Variants in PILRB observed in about 807,000 individuals in gnomAD.
PILRB encodes the protein paired immunoglobulin-like type 2 receptor beta.
In PILRB, 21 loss-of-function variants were observed where a neutral mutation model predicts 20.5. The ratio of observed to expected loss-of-function variants is 1.02; its 90% CI spans 0.72 to 1.47. The LOEUF (loss-of-function observed/expected upper bound fraction) is 1.47, where lower values mean the gene tolerates loss of function less well. Among genes scored for constraint, PILRB ranks in the 40% most tolerant of loss-of-function variants. PILRB has a pLI of 0.00. For synonymous variants in PILRB, 133 were observed against 115.1 expected, an observed-to-expected ratio of 1.16 and a Z score of -0.99; for missense variants, 253 against 272.1, an observed-to-expected ratio of 0.93 and a Z score of 0.49.
chr7:100,358,424 C>A, intron 1 of PILRB, 58 bp downstream of exon 1: 1 of 1,585,008 alleles, frequency 6.3e-7, no homozygotes, highest in South Asian at 1.1e-5. Context: ...AGGGGCCAAC[C>A]CAAGACAAAG....
At chr7:100,359,989 C>T (rs1263806427) in intron 3 of PILRB, among the ~76,000 whole-genome samples, 4 of 152,194 alleles carry the variant, frequency 2.6e-5, no homozygotes, top group African/African-American at 9.7e-5. Flanking sequence ...TGCCACTGCA[C>T]TCCAGCCTGG....
chr7:100,359,171 A>C, intron 2 of PILRB, 92 bp downstream of exon 2: 1 of 1,563,310 alleles, frequency 6.4e-7, no homozygotes, highest in East Asian at 2.3e-5. Context: ...AGTGGTCTGG[A>C]TTGAGAGCTG....
rs1249112782 is a variant in PILRB, at chr7:100,367,594, A to C, written c.*217A>C. ...CAAGAGCCTTCATCCAGGAGCATCCACACTGCAATGATATAGGAATGAGGT... is the reference window on the plus strand; with the variant it reads ...CAAGAGCCTTCATCCAGGAGCATCCCCACTGCAATGATATAGGAATGAGGT... On this transcript the variant is annotated 3_prime_UTR_variant, in exon 4 of 4. Coordinates refer to ENST00000609309, the MANE Select transcript of PILRB (RefSeq NM_178238.4). 1.7e-6 allele frequency: 1 copy of C among 589,696 alleles called. No individual in the cohort carries two copies. Among genetic ancestry groups the C allele is most frequent in the Non-Finnish European group, 3.1e-6 (1 of 326,866 alleles). 36.5% of individuals were successfully genotyped at this position (589,696 alleles called of 1,614,324 possible). A position where few individuals can be genotyped will look rare whatever the true frequency, so the allele number is the denominator to read the frequency against.
At chr7:100,359,601 G>A in intron 3 of PILRB, 64 bp downstream of exon 3, 1 of 1,371,170 alleles carries the variant, frequency 7.3e-7, no homozygotes, top group Non-Finnish European at 1.0e-6. Context: ...GAGCCCACCT[G>A]CAGCTAAGGG....
intron 3 of PILRB, among the ~76,000 whole-genome samples, chr7:100,363,275 A>C (rs1584200311): frequency 6.6e-6 from 1 of 152,324 alleles, no homozygotes; most frequent in Non-Finnish European, 1.5e-5. Context: ...TATGTAGAAA[A>C]TCCTAAGTAT....
In PILRB at chr7:100,367,702, A is replaced by C; in HGVS notation, c.*325A>C. The C allele has an allele frequency of 3.0e-6, 1 of 335,994 alleles. No homozygotes were observed. Among genetic ancestry groups the C allele is most frequent in the Non-Finnish European group, 5.4e-6 (1 of 183,774 alleles). 20.8% of individuals were successfully genotyped at this position (335,994 alleles called of 1,614,324 possible). ...AAGAGTTCCTTTATCCTCCCCAAGG[A>C]TGGAAAAATACAATTTATTTTGCTT... On this transcript the variant is annotated 3_prime_UTR_variant, in exon 4 of 4. Transcript: ENST00000609309.
At position 100,367,753 on chromosome 7, in the gene PILRB, C is replaced by A; in HGVS notation, c.*376C>A. 4.8e-6 allele frequency: 1 copy of A among 210,484 alleles called. No individual in the cohort carries two copies. Among genetic ancestry groups the A allele is most frequent in the South Asian group, 9.1e-5 (1 of 10,940 alleles). 13.0% of individuals were successfully genotyped at this position (210,484 alleles called of 1,614,324 possible). A position where few individuals can be genotyped will look rare whatever the true frequency, so the allele number is the denominator to read the frequency against. ...ACCATACACCCCTTTTCTCCTCGTC[C>A]ACATTTTCCAATCTGTATGGTGGCT... On this transcript the variant is annotated 3_prime_UTR_variant, in exon 4 of 4. Coordinates refer to ENST00000609309, the MANE Select transcript of PILRB (RefSeq NM_178238.4).
chr7:100,359,267 C>T (rs2130096104), intron 2 of PILRB, 70 bp from the exon 3 acceptor site: 2 of 1,552,814 alleles, frequency 1.3e-6, no homozygotes, highest in East Asian at 2.2e-5. Context: ...TAGAAAGCAG[C>T]ACACCATGCC....
At chr7:100,360,851 A>AC (rs1454356097) in intron 3 of PILRB, among the ~76,000 whole-genome samples, 3 of 152,338 alleles carry the variant, frequency 2.0e-5, no homozygotes, top group South Asian at 2.1e-4. Context: ...TGATGAAACC[A>AC]CCAACTACAG....
intron 3 of PILRB, among the ~76,000 whole-genome samples, chr7:100,363,132 TAAAAAAAAAAA>T (rs771904107): frequency 1.2e-5 from 1 of 85,066 alleles, no homozygotes; most frequent in South Asian, 3.6e-4. Context: ...CATCTCTACT[TAAAAAAAAAAA>T]AAAAAAAAAA....
intron 3 of PILRB, among the ~76,000 whole-genome samples, chr7:100,366,157 T>C (rs1213776509): frequency 6.6e-6 from 1 of 152,088 alleles, no homozygotes; most frequent in African/African-American, 2.4e-5. Flanking sequence ...TTTCACCATA[T>C]TGTTCAGGCT....
In PILRB at chr7:100,363,132, TAAAAAAA is replaced by T. The variant is rs771904107; in HGVS notation, c.655+3611_655+3617del. Reference sequence around the variant, plus strand: ...AACATGGCAAAACCCCATCTCTACTTAAAAAAAAAAAAAAAAAAAAAAGATTTGAAGT... The same window carrying T: ...AACATGGCAAAACCCCATCTCTACTTAAAAAAAAAAAAAAAGATTTGAAGT... On this transcript the variant is annotated intron_variant, in intron 3 of 3. Transcript: ENST00000609309. Among the ~76,000 whole-genome samples the T allele has an allele frequency of 1.8e-4, 15 of 85,066 alleles. No homozygotes were observed. In the South Asian group the frequency reaches 4.4e-3, roughly 25 times the overall value. 55.8% of individuals were successfully genotyped at this position (85,066 alleles called of 152,430 possible).
intron 2 of PILRB, 109 bp downstream of exon 2, chr7:100,359,188 T>C (rs1790455253): frequency 1.3e-6 from 2 of 1,527,186 alleles, no homozygotes; most frequent in African/African-American, 1.4e-5. Flanking sequence ...GCTGTTAGCA[T>C]TTCACCTTGC....
intron 3 of PILRB, among the ~76,000 whole-genome samples, chr7:100,363,869 G>A (rs189672922): frequency 6.6e-6 from 1 of 152,282 alleles, no homozygotes; most frequent in East Asian, 1.9e-4. Context: ...AGCACTTTGG[G>A]AGGCTGAGCT....
Position 100,367,501 on chromosome 7 carries a change from TA to T in PILRB, c.*128del. The T allele has an allele frequency of 6.9e-6, 5 of 719,658 alleles. No individual in the cohort carries two copies. The highest frequency in any genetic ancestry group is 1.3e-5 in the Non-Finnish European group (5 of 382,102). 44.6% of individuals were successfully genotyped at this position (719,658 alleles called of 1,614,324 possible). A position where few individuals can be genotyped will look rare whatever the true frequency, so the allele number is the denominator to read the frequency against. On this transcript the variant is annotated 3_prime_UTR_variant, in exon 4 of 4. Coordinates refer to ENST00000609309, the MANE Select transcript of PILRB (RefSeq NM_178238.4). Reference sequence around the variant, plus strand: ...ACATGGAGAGCACCCTGAGGACCTTTAAAAGGCAAAGCCGCAAGGCAGAAGG... The same window carrying T: ...ACATGGAGAGCACCCTGAGGACCTTTAAAGGCAAAGCCGCAAGGCAGAAGG...
chr7:100,362,832 C>G (rs994142291), intron 3 of PILRB, among the ~76,000 whole-genome samples: 1 of 151,970 alleles, frequency 6.6e-6, no homozygotes. Flanking sequence ...TGGTAAAACA[C>G]TCCAAAACCA....
At chr7:100,358,507 G>A (rs1017583876) in intron 1 of PILRB, 141 bp downstream of exon 1, 13 of 1,258,720 alleles carry the variant, frequency 1.0e-5, no homozygotes, top group South Asian at 4.2e-5. Context: ...GGTGGGTGCC[G>A]CCATCTCTTC....
chr7:100,362,075 G>C (rs2130108907), intron 3 of PILRB, among the ~76,000 whole-genome samples: 1 of 152,228 alleles, frequency 6.6e-6, no homozygotes, highest in East Asian at 1.9e-4. Context: ...ATGGAGAGCA[G>C]GGGGGTCAGC....
chr7:100,367,260 C>T lies in PILRB; in HGVS notation c.656-89C>T, dbSNP rs188970109. 3.0e-4 allele frequency: 235 copies of T among 777,684 alleles called. No individual in the cohort carries two copies. The African/African-American group carries it at 3.6e-3, about 12-fold the overall frequency. The allele number at this position is 777,684 out of a possible 1,614,324, so 48.2% of individuals were successfully genotyped here. On this transcript the variant is annotated intron_variant, in intron 3 of 3. Transcript: ENST00000609309. ...AAATTCTCCTGAGTTTTTGCCACCT[C>T]CCACTTAAATCTGATCTCTGAAGCA...
Sources: allele counts gnomAD v4.1 joint callset (sites outside exome capture counted in the v4.1 genomes callset), GRCh38; gene constraint gnomAD v4.1.1; transcripts MANE v1.5; gene names NCBI Gene and HGNC (gene_info 2026-07-23, HGNC 2026-07-21).